The following MFSD1 variants were observed in gnomAD, a reference collection of about 807,000 sequenced individuals.
MFSD1 encodes major facilitator superfamily domain containing 1.
A neutral mutation model predicts 67.1 loss-of-function variants in MFSD1; 59 were observed. The ratio of observed to expected loss-of-function variants is 0.88; its 90% CI spans 0.71 to 1.09. The LOEUF is 1.09. Ranked by LOEUF, MFSD1 falls within the 50% of genes least tolerant of loss-of-function variation. The pLI is 0.00. For missense variants in MFSD1, 552 were observed against 566.1 expected, an observed-to-expected ratio of 0.97 and a Z score of 0.25; for synonymous variants, 213 against 200.3, an observed-to-expected ratio of 1.06 and a Z score of -0.54.
At chr3:158,825,408 C>G (rs1040530116) in intron 13 of MFSD1, 3 of 152,182 alleles carry the variant, frequency 2.0e-5, no homozygotes, top group African/African-American at 7.2e-5. Flanking sequence ...GCTCCTCCTG[C>G]CTTTGGGATT....
intron 13 of MFSD1, 88 bp from the exon 14 acceptor site, chr3:158,825,927 G>T (rs1201423666): frequency 3.9e-6 from 4 of 1,018,590 alleles, no homozygotes; most frequent in Non-Finnish European, 6.2e-6. Flanking sequence ...GTTTGATTGT[G>T]TCTAAGCTTT....
intron 7 of MFSD1, among the ~76,000 whole-genome samples, chr3:158,818,272 C>T (rs1730482286): frequency 6.6e-6 from 1 of 152,112 alleles, no homozygotes; most frequent in South Asian, 2.1e-4. Context: ...TTTGATGTTT[C>T]CATACACAGA....
rs992405483 is a variant in MFSD1, at chr3:158,829,111, TA to T, written c.*130del. On this transcript the variant is annotated 3_prime_UTR_variant, in exon 16 of 16. Transcript: ENST00000415822. ...CTGGAAAGTTATATTTATATCCAAA[TA>T]TACCTATTTCAAAGTGTATTTGTGA... 1.2e-5 allele frequency: 9 copies of T among 780,810 alleles called. No homozygotes were observed. In the African/African-American group the frequency reaches 1.6e-4, roughly 14 times the overall value. 48.4% of individuals were successfully genotyped at this position (780,810 alleles called of 1,614,324 possible). A position where few individuals can be genotyped will look rare whatever the true frequency, so the allele number is the denominator to read the frequency against.
chr3:158,825,645 T>C (rs1459943920), intron 13 of MFSD1, among the ~76,000 whole-genome samples: 4 of 152,158 alleles, frequency 2.6e-5, no homozygotes, highest in African/African-American at 9.7e-5. Context: ...CTATTTGGCT[T>C]CCTCTGAAAT....
chr3:158,829,290 TGTTGAGATAATC>T lies in MFSD1; in HGVS notation c.*309_*320del. On this transcript the variant is annotated 3_prime_UTR_variant, in exon 16 of 16. Transcript: ENST00000415822. ...GAAAAATGGAAAACGTTGGAGCTTC[TGTTGAGATAATC>T]TTCATTAGGTATATATCTTAGGGAT... The T allele has an allele frequency of 4.4e-6, 1 of 228,354 alleles. No homozygotes were observed. Among genetic ancestry groups the T allele is most frequent in the Non-Finnish European group, 8.4e-6 (1 of 118,356 alleles). 14.1% of individuals were successfully genotyped at this position (228,354 alleles called of 1,614,324 possible). A position where few individuals can be genotyped will look rare whatever the true frequency, so the allele number is the denominator to read the frequency against.
intron 12 of MFSD1, 110 bp downstream of exon 12, chr3:158,823,635 C>T: frequency 1.2e-6 from 1 of 847,476 alleles, no homozygotes; most frequent in East Asian, 2.4e-5. Flanking sequence ...TGGGGTAGCG[C>T]TGAACCTGGA....
At chr3:158,816,061 C>T (rs1317978715) in intron 7 of MFSD1, among the ~76,000 whole-genome samples, 1 of 151,934 alleles carries the variant, frequency 6.6e-6, no homozygotes, top group Non-Finnish European at 1.5e-5. Context: ...CATTGTTGGA[C>T]ATTTGGGTTG....
At chr3:158,815,988 A>C (rs1465453338) in intron 7 of MFSD1, among the ~76,000 whole-genome samples, 1 of 151,976 alleles carries the variant, frequency 6.6e-6, no homozygotes, top group East Asian at 1.9e-4. Flanking sequence ...TGAACTCATC[A>C]TTTTTTATGG....
chr3:158,818,251 T>C (rs573355727), intron 7 of MFSD1, among the ~76,000 whole-genome samples: 23 of 152,300 alleles, frequency 1.5e-4, no homozygotes, highest in African/African-American at 5.3e-4. Context: ...TATACATATT[T>C]ATGGGTACAA....
At chr3:158,817,665 C>T (rs557519307) in intron 7 of MFSD1, among the ~76,000 whole-genome samples, 1 of 152,236 alleles carries the variant, frequency 6.6e-6, no homozygotes, top group East Asian at 1.9e-4. Context: ...ATGAAAATGG[C>T]CATACTGCCC....
At chr3:158,811,949 T>C (rs1337469738) in intron 6 of MFSD1, among the ~76,000 whole-genome samples, 2 of 152,220 alleles carry the variant, frequency 1.3e-5, no homozygotes, top group Non-Finnish European at 2.9e-5. Flanking sequence ...TAAATAACTA[T>C]TTAAAATCTC....
At position 158,819,659 on chromosome 3, in the gene MFSD1, G is replaced by C. The variant is rs756902191; in HGVS notation, c.663G>C (p.Thr221=). 5 of 1,527,820 alleles carry C rather than the reference G, an allele frequency of 3.3e-6. No homozygotes were observed. The African/African-American group carries it at 5.6e-5, about 17-fold the overall frequency. 94.6% of individuals were successfully genotyped at this position (1,527,820 alleles called of 1,614,324 possible). ...LGITLMIGGI[T]CILSLICALA... is the part of the protein sequence containing the mutation. ...TTTTTTTTTATTTAGGGGGTATAAC[G>C]TGTATTCTTTCACTAATCTGTGCCT... The change falls in exon 8 of 16, where the codon ACG becomes ACC. Residue 221 remains threonine, a synonymous_variant. Coordinates refer to ENST00000415822, the MANE Select transcript of MFSD1 (RefSeq NM_022736.4).
chr3:158,816,656 G>A (rs1188659275), intron 7 of MFSD1, among the ~76,000 whole-genome samples: 3 of 150,502 alleles, frequency 2.0e-5, no homozygotes, highest in Non-Finnish European at 4.4e-5. Context: ...TTAGTTTAAT[G>A]AGATCCCATT....
intron 10 of MFSD1, 136 bp from the exon 11 acceptor site, chr3:158,821,848 T>G: frequency 9.2e-7 from 1 of 1,087,034 alleles, no homozygotes; most frequent in African/African-American, 1.6e-5. Flanking sequence ...AACTGCTTTT[T>G]ATATTTTTTG....
chr3:158,812,818 C>A (rs962045812), intron 6 of MFSD1, among the ~76,000 whole-genome samples: 3 of 152,202 alleles, frequency 2.0e-5, no homozygotes, highest in Non-Finnish European at 4.4e-5. Flanking sequence ...TCACTGGGAC[C>A]TCATCTCATC....
chr3:158,813,331 A>G (rs2108215687), intron 6 of MFSD1, among the ~76,000 whole-genome samples: 1 of 152,094 alleles, frequency 6.6e-6, no homozygotes, highest in South Asian at 2.1e-4. Context: ...TATTTTTAGT[A>G]GAGACAGGGT....
intron 1 of MFSD1, 72 bp from the exon 2 acceptor site, chr3:158,804,247 T>G: frequency 9.3e-7 from 1 of 1,077,224 alleles, no homozygotes. Flanking sequence ...AATTGTAATT[T>G]CAGTAGCAAC....
chr3:158,827,397 C>A, intron 15 of MFSD1, 60 bp downstream of exon 15: 1 of 880,426 alleles, frequency 1.1e-6, no homozygotes, highest in Non-Finnish European at 1.7e-6. Context: ...ATGAGCATTT[C>A]GTTTCAAGGT....
intron 2 of MFSD1, 78 bp downstream of exon 2, chr3:158,804,449 G>C: frequency 8.4e-7 from 1 of 1,183,454 alleles, no homozygotes; most frequent in Non-Finnish European, 1.2e-6. Flanking sequence ...CAACCCTCAG[G>C]TGCCCTAGTC....
Sources: allele counts gnomAD v4.1 joint callset (sites outside exome capture counted in the v4.1 genomes callset), GRCh38; gene constraint gnomAD v4.1.1; transcripts MANE v1.5; gene names NCBI Gene and HGNC (gene_info 2026-07-23, HGNC 2026-07-21).